DNAJC11: variants seen among roughly 807,000 people sequenced by gnomAD.
DNAJC11 encodes DnaJ heat shock protein family (Hsp40) member C11.
A neutral mutation model predicts 78.6 loss-of-function variants in DNAJC11; 15 were observed. The observed-to-expected ratio is 0.19, with a 90% CI of 0.13 to 0.29. The LOEUF (loss-of-function observed/expected upper bound fraction) is 0.29. DNAJC11 is among the 10% of genes least tolerant of loss of function. The pLI, the probability that DNAJC11 is intolerant of heterozygous loss-of-function variation, is 1.00. For synonymous variants in DNAJC11, 292 were observed against 272.1 expected (o/e 1.07, Z -0.72); for missense variants, 547 against 709.6 (o/e 0.77, Z 2.60).
chr1:6,645,136 C>T lies in DNAJC11; in HGVS notation c.895-10G>A. 1.9e-6 allele frequency: 3 copies of T among 1,609,708 alleles called. No homozygotes were observed. Among genetic ancestry groups the T allele is most frequent in the South Asian group, 1.1e-5 (1 of 90,930 alleles). On this transcript the variant is annotated splice_polypyrimidine_tract_variant and intron_variant, in intron 8 of 15. Coordinates refer to ENST00000377577, the MANE Select transcript of DNAJC11 (RefSeq NM_018198.4). The surrounding 1 kb of genome is among the most constrained non-coding windows in gnomAD (Gnocchi z 4.1). ...AGTGAGGGATTCCCAGCTGGGGAGA[C>T]AGAGGGTGCAAGGATGCGTGGCTAG...
Position 6,667,791 on chromosome 1 carries a change from G to A in DNAJC11, c.296C>T (p.Thr99Ile), listed in dbSNP as rs1198139223. 1 of 1,613,980 alleles carries A rather than the reference G, an allele frequency of 6.2e-7. No individual in the cohort carries two copies. Among genetic ancestry groups the A allele is most frequent in the Admixed American group, 1.7e-5 (1 of 60,016 alleles). Residue 99 changes from threonine (T) to isoleucine (I), a missense_variant, in exon 4 of 16, where the codon ACC becomes ATC. Coordinates refer to ENST00000377577, the MANE Select transcript of DNAJC11 (RefSeq NM_018198.4). ...EGWEVVERRR[T>I]PAEIREEFER... is the part of the protein sequence containing the mutation. Reference sequence around the variant, plus strand: ...AAACTCCTCTCGAATTTCAGCAGGGGTTCTCCTCCTTTCCACAACCTATGC... The same window carrying A: ...AAACTCCTCTCGAATTTCAGCAGGGATTCTCCTCCTTTCCACAACCTATGC...
chr1:6,654,777 TTTTC>T (rs1642102684), intron 4 of DNAJC11, among the ~76,000 whole-genome samples: 1 of 133,006 alleles, frequency 7.5e-6, no homozygotes, highest in Admixed American at 7.6e-5. Context: ...TTTTGCTAGC[TTTTC>T]TTTTTTTTTT....
At chr1:6,695,159 AAAATT>A (rs772143703) in intron 1 of DNAJC11, among the ~76,000 whole-genome samples, 3 of 120,998 alleles carry the variant, frequency 2.5e-5, no homozygotes, top group African/African-American at 6.5e-5. Context: ...AAAAAAAAAA[AAAATT>A]TTTTTTTTTA....
rs1557471064 is a variant in DNAJC11, at chr1:6,650,691, T to C, written c.704+838A>G. ...GAGTTCGAGACCAGCCTGACCAACA[T>C]GGTGAAACCCCATCTCTATTAAAAA... On this transcript the variant is annotated intron_variant, in intron 7 of 15. Transcript: ENST00000377577. Among the ~76,000 whole-genome samples the C allele has an allele frequency of 2.6e-5, 4 of 151,402 alleles. No homozygotes were observed. The South Asian group carries it at 6.3e-4, about 24-fold the overall frequency.
intron 4 of DNAJC11, among the ~76,000 whole-genome samples, chr1:6,666,697 CGGCCTA>C (rs1642300038): frequency 6.6e-6 from 1 of 152,158 alleles, no homozygotes; most frequent in African/African-American, 2.4e-5. Flanking sequence ...CCACCGCACC[CGGCCTA>C]TTCTATTCCT....
At position 6,645,667 on chromosome 1, in the gene DNAJC11, G is replaced by A; in HGVS notation, c.894+122C>T. 2.6e-6 allele frequency: 3 copies of A among 1,135,088 alleles called. No homozygotes were observed. The highest frequency in any genetic ancestry group is 1.5e-5 in the African/African-American group (1 of 64,856). The allele number at this position is 1,135,088 out of a possible 1,614,324, so 70.3% of individuals were successfully genotyped here. On this transcript the variant is annotated intron_variant, in intron 8 of 15. Coordinates refer to ENST00000377577, the MANE Select transcript of DNAJC11 (RefSeq NM_018198.4). This position sits in a 1 kb window ranked among gnomAD's most constrained non-coding sequence, Gnocchi z 4.1. ...GAGCACCGAGAGCCTGCCCCTCAGG[G>A]CCCTGTATGGGCTTAGACTTAGTGG...
chr1:6,681,146 C>T, intron 1 of DNAJC11, 109 bp from the exon 2 acceptor site: 1 of 1,171,018 alleles, frequency 8.5e-7, no homozygotes. Context: ...AATGTGTTTG[C>T]TCTCGACATA....
intron 11 of DNAJC11, 93 bp downstream of exon 11, chr1:6,639,809 G>A (rs1051297387): frequency 3.6e-5 from 50 of 1,396,196 alleles, no homozygotes; most frequent in Middle Eastern, 2.2e-4. Flanking sequence ...CTCATCACCC[G>A]ACGCAGGAGG....
Position 6,695,627 on chromosome 1 carries a change from T to TAAAAAAAAAAAA in DNAJC11, c.72+6090_72+6101dup, listed in dbSNP as rs70984004. On this transcript the variant is annotated intron_variant, in intron 1 of 15. Coordinates refer to ENST00000377577, the MANE Select transcript of DNAJC11 (RefSeq NM_018198.4). ...CAACATAGTGAAACCCTATCTCTAC[T>TAAAAAAAAAAAA]AAAAAAAAAAAAAAAAAAAAAAAAA... Among the ~76,000 whole-genome samples, 18 of 83,006 alleles carry TAAAAAAAAAAAA rather than the reference T, an allele frequency of 2.2e-4. 1 individual carries two copies. The highest frequency in any genetic ancestry group is 1.1e-3 in the East Asian group (2 of 1,812). The allele number at this position is 83,006 out of a possible 152,430, so 54.5% of individuals were successfully genotyped here.
In DNAJC11 at chr1:6,635,384, G is replaced by C. The variant is rs952702899; in HGVS notation, c.*291C>G. The C allele has an allele frequency of 3.4e-5, 13 of 382,220 alleles. No individual in the cohort carries two copies. The highest frequency in any genetic ancestry group is 2.4e-4 in the South Asian group (7 of 28,874). 23.7% of individuals were successfully genotyped at this position (382,220 alleles called of 1,614,324 possible). ...GGGCTGCGGTCAGCACGTGTGCTCG[G>C]GACACAGCGGAGTCAGGGCCAGAGC... On this transcript the variant is annotated 3_prime_UTR_variant, in exon 16 of 16. Transcript: ENST00000377577.
At position 6,635,031 on chromosome 1, in the gene DNAJC11, C is replaced by G. The variant is rs1641734759; in HGVS notation, c.*644G>C. ...GCCCTGGGATCGGGAGTTACACTACCCTGTCCCAAGCCGAGGGGGCCGGTG... is the reference window on the plus strand; with the variant it reads ...GCCCTGGGATCGGGAGTTACACTACGCTGTCCCAAGCCGAGGGGGCCGGTG... On this transcript the variant is annotated 3_prime_UTR_variant, in exon 16 of 16. Transcript: ENST00000377577. 2.8e-6 allele frequency: 1 copy of G among 354,004 alleles called. No homozygotes were observed. Among genetic ancestry groups the G allele is most frequent in the Non-Finnish European group, 4.7e-6 (1 of 213,132 alleles). 21.9% of individuals were successfully genotyped at this position (354,004 alleles called of 1,614,324 possible).
At chr1:6,639,291 T>A (rs1188626206) in intron 11 of DNAJC11, among the ~76,000 whole-genome samples, 2 of 151,730 alleles carry the variant, frequency 1.3e-5, no homozygotes, top group African/African-American at 2.4e-5. Flanking sequence ...AAAGGAAAAC[T>A]TCTTCTTTCT....
At chr1:6,681,873 C>T (rs1305764797) in intron 1 of DNAJC11, among the ~76,000 whole-genome samples, 3 of 152,144 alleles carry the variant, frequency 2.0e-5, no homozygotes, top group Non-Finnish European at 4.4e-5. Context: ...ATTCTAGAGG[C>T]TATTTTGGCC....
At chr1:6,693,647 G>C (rs996348647) in intron 1 of DNAJC11, among the ~76,000 whole-genome samples, 2 of 152,060 alleles carry the variant, frequency 1.3e-5, no homozygotes, top group Non-Finnish European at 2.9e-5. Context: ...CTCCCAAAGT[G>C]CTGGGATTAC....
intron 4 of DNAJC11, among the ~76,000 whole-genome samples, chr1:6,664,393 C>T (rs754405825): frequency 6.6e-6 from 1 of 152,190 alleles, no homozygotes; most frequent in East Asian, 1.9e-4. Context: ...GCGCCTGCCA[C>T]CACACCCGGC....
intron 7 of DNAJC11, among the ~76,000 whole-genome samples, chr1:6,648,758 C>G (rs955436393): frequency 2.0e-5 from 3 of 152,144 alleles, no homozygotes; most frequent in Admixed American, 6.5e-5. Context: ...ACCCTGCCCC[C>G]GAGGCGGCTT....
intron 1 of DNAJC11, among the ~76,000 whole-genome samples, chr1:6,683,586 C>T (rs1295367032): frequency 1.3e-5 from 2 of 152,224 alleles, no homozygotes; most frequent in African/African-American, 4.8e-5. Context: ...GCATGAGTGC[C>T]TAACAATGTC....
At chr1:6,689,125 G>C (rs1232193156) in intron 1 of DNAJC11, among the ~76,000 whole-genome samples, 1 of 152,214 alleles carries the variant, frequency 6.6e-6, no homozygotes, top group African/African-American at 2.4e-5. Context: ...TCTGGGTAGA[G>C]AAATAATGTC....
At chr1:6,651,900 C>A (rs1642059290) in intron 6 of DNAJC11, among the ~76,000 whole-genome samples, 1 of 152,226 alleles carries the variant, frequency 6.6e-6, no homozygotes, top group African/African-American at 2.4e-5. Flanking sequence ...GGTCAGGAGA[C>A]CAGCTGGCTC....
Sources: gnomAD v4.1 joint callset for allele counts (sites outside exome capture counted in the v4.1 genomes callset) on GRCh38, gnomAD v4.1.1 for gene constraint, Gnocchi (gnomAD v3.1) non-coding constraint, MANE v1.5 for transcripts, NCBI Gene and HGNC (gene_info 2026-07-23, HGNC 2026-07-21) for gene names.